Variants in VPS53 observed in about 807,000 individuals in gnomAD.
VPS53 encodes the protein VPS53 subunit of GARP complex, also known as vacuolar protein sorting-associated protein 53 homolog.
A neutral mutation model predicts 107.0 loss-of-function variants in VPS53; 70 were observed. That is an observed-to-expected ratio of 0.65 (90% CI 0.54 to 0.80). VPS53 has a LOEUF of 0.80. VPS53 is among the 30% of genes least tolerant of loss of function. VPS53 has a pLI of 0.00. For missense variants in VPS53, 917 were observed against 1,049.4 expected, an observed-to-expected ratio of 0.87 and a Z score of 1.74; for synonymous variants, 409 against 393.3, an observed-to-expected ratio of 1.04 and a Z score of -0.47.
chr17:635,259 T>C (rs1970145611), intron 7 of VPS53, among the ~76,000 whole-genome samples: 1 of 152,248 alleles, frequency 6.6e-6, no homozygotes, highest in Admixed American at 6.5e-5. Context: ...TTTTTTCTTG[T>C]AAATTTGTTT....
rs1265170676 is a variant in VPS53, at chr17:517,689, T to G, written c.*1439A>C. 3.0e-6 allele frequency: 1 copy of G among 335,464 alleles called. No homozygotes were observed. Among genetic ancestry groups the G allele is most frequent in the Non-Finnish European group, 5.3e-6 (1 of 187,228 alleles). 20.8% of individuals were successfully genotyped at this position (335,464 alleles called of 1,614,324 possible). On this transcript the variant is annotated 3_prime_UTR_variant, in exon 22 of 22. Coordinates refer to ENST00000437048, the MANE Select transcript of VPS53 (RefSeq NM_001128159.3). ...CACTCGCCATGACACCCGGCTAATT[T>G]TTTTTATTTTTAGTTGAGACAGGGT...
Position 551,939 on chromosome 17 carries a change from C to T in VPS53, c.1799G>A (p.Ser600Asn). 6.3e-7 allele frequency: 1 copy of T among 1,597,108 alleles called. No individual in the cohort carries two copies. Residue 600 changes from serine (S) to asparagine (N), a missense_variant, in exon 17 of 22, where the codon AGC (serine) becomes AAC (asparagine). Ser to Asn is a conservative substitution (Grantham distance 46). Coordinates refer to ENST00000437048, the MANE Select transcript of VPS53 (RefSeq NM_001128159.3). ...EMDTFSTVIS[S>N]SIQLLVQDLD... ...ATCCTGAACCAGCAGCTGAATACTGCTGGAGATGACGCTGCAAATCAAACA... is the reference window on the plus strand; with the variant it reads ...ATCCTGAACCAGCAGCTGAATACTGTTGGAGATGACGCTGCAAATCAAACA...
intron 11 of VPS53, among the ~76,000 whole-genome samples, chr17:617,093 G>T (rs1314948205): frequency 6.6e-6 from 1 of 152,198 alleles, no homozygotes; most frequent in Non-Finnish European, 1.5e-5. Context: ...CGGTTATCTG[G>T]ATTACCAGCT....
At chr17:691,662 G>A (rs2143864115) in intron 4 of VPS53, among the ~76,000 whole-genome samples, 1 of 152,220 alleles carries the variant, frequency 6.6e-6, no homozygotes, top group East Asian at 1.9e-4. Context: ...ATAAAATCTT[G>A]CACCACCCAA....
rs10630363 is a variant in VPS53 at position 672,109 on chromosome 17, GACACACAC to G, written c.286-10222_286-10215del. On this transcript the variant is annotated intron_variant, in intron 4 of 21. Transcript: ENST00000437048. ...GACTACAGGTAGAGATGATGAGGGT[GACACACAC>G]ACACACACACACACACACACACACA... 4.4e-3 allele frequency among the ~76,000 whole-genome samples: 479 copies of G among 108,894 alleles called. 1 individual carries two copies. The highest frequency in any genetic ancestry group is 5.4e-3 in the East Asian group (20 of 3,680). 71.4% of individuals were successfully genotyped at this position (108,894 alleles called of 152,430 possible).
At chr17:617,099 C>T (rs1213176480) in intron 11 of VPS53, among the ~76,000 whole-genome samples, 1 of 152,214 alleles carries the variant, frequency 6.6e-6, no homozygotes, top group Admixed American at 6.5e-5. Flanking sequence ...TCTGGATTAC[C>T]AGCTCACAGA....
Position 537,141 on chromosome 17 carries a change from C to G in VPS53, c.1902G>C (p.Gln634His), listed in dbSNP as rs1177095046. 6.2e-7 allele frequency: 1 copy of G among 1,613,950 alleles called. No homozygotes were observed. Among genetic ancestry groups the G allele is most frequent in the Non-Finnish European group, 8.5e-7 (1 of 1,180,040 alleles). Reference sequence around the variant, plus strand: ...GAATGACAGAGGTGACGTAGGGGCTCTGGTCACCAACGTGCTCCACGTTCT... The same window carrying G: ...GAATGACAGAGGTGACGTAGGGGCTGTGGTCACCAACGTGCTCCACGTTCT... ...QWQNVEHVGD[Q>H]SPYVTSVILH... is the part of the protein sequence containing the mutation. Residue 634 changes from glutamine (Q) to histidine (H), a missense_variant, in exon 18 of 22, where the codon CAG becomes CAC. By Grantham distance (24) the Gln-to-His change is conservative. Coordinates refer to ENST00000437048, the MANE Select transcript of VPS53 (RefSeq NM_001128159.3).
chr17:601,074 G>A (rs1385480496), intron 12 of VPS53: 1 of 152,186 alleles, frequency 6.6e-6, no homozygotes, highest in Non-Finnish European at 1.5e-5. Flanking sequence ...CCTTTTGGTG[G>A]TGTCTGGAGC....
At chr17:711,141 T>G (rs330996) in intron 1 of VPS53, among the ~76,000 whole-genome samples, 2 of 151,682 alleles carry the variant, frequency 1.3e-5, no homozygotes, top group Non-Finnish European at 2.9e-5. Context: ...GCCCAGGAGG[T>G]TGAGGTTGCA....
chr17:619,527 C>T (rs1230352369), intron 11 of VPS53, among the ~76,000 whole-genome samples: 12 of 138,000 alleles, frequency 8.7e-5, no homozygotes, highest in African/African-American at 3.3e-4. Flanking sequence ...TGCACCACCA[C>T]ACCCCGCTAA....
chr17:652,248 GC>G (rs1171436274), intron 7 of VPS53, among the ~76,000 whole-genome samples: 1 of 152,144 alleles, frequency 6.6e-6, no homozygotes, highest in Non-Finnish European at 1.5e-5. Context: ...ACCCGCCTCG[GC>G]CTCCCAAAGT....
intron 5 of VPS53, among the ~76,000 whole-genome samples, chr17:661,400 AAT>A (rs1971431175): frequency 6.6e-6 from 1 of 151,806 alleles, no homozygotes; most frequent in Non-Finnish European, 1.5e-5. Flanking sequence ...AGGCGCCTGT[AAT>A]CCCAGCTACT....
chr17:544,766 T>C (rs979101729), intron 17 of VPS53, among the ~76,000 whole-genome samples: 2 of 152,160 alleles, frequency 1.3e-5, no homozygotes, highest in African/African-American at 2.4e-5. Context: ...TATCAACTCA[T>C]ACAGGTTATC....
intron 11 of VPS53, among the ~76,000 whole-genome samples, chr17:623,196 T>C (rs1969546062): frequency 2.0e-5 from 3 of 152,116 alleles, no homozygotes; most frequent in Admixed American, 2.0e-4. Context: ...TAAAAACATA[T>C]CCTAATTGTA....
At chr17:554,815 A>C (rs1912188853) in intron 15 of VPS53, among the ~76,000 whole-genome samples, 2 of 152,258 alleles carry the variant, frequency 1.3e-5, no homozygotes, top group African/African-American at 4.8e-5. Flanking sequence ...TCAAAAAGCA[A>C]AACTTTAAAT....
intron 7 of VPS53, among the ~76,000 whole-genome samples, chr17:638,346 C>T (rs150727958): frequency 8.5e-5 from 13 of 152,158 alleles, no homozygotes; most frequent in Admixed American, 1.3e-4. Flanking sequence ...TACAGCACAC[C>T]GATGGGTCTT....
chr17:666,615 G>A (rs1270981447), intron 4 of VPS53, among the ~76,000 whole-genome samples: 1 of 152,164 alleles, frequency 6.6e-6, no homozygotes, highest in East Asian at 1.9e-4. Flanking sequence ...AGTGAGCCAA[G>A]ATCGTGCCAC....
rs151288356 is a variant in VPS53, at chr17:624,415, C to A, written c.975-741G>T. On this transcript the variant is annotated intron_variant, in intron 10 of 21. Coordinates refer to ENST00000437048, the MANE Select transcript of VPS53 (RefSeq NM_001128159.3). ...CAAGCACGCTTAGCTGGTCCCTGCC[C>A]GAGAAGCTCCTGTGCAGCTCTCACT... 1.6e-4 allele frequency among the ~76,000 whole-genome samples: 25 copies of A among 152,272 alleles called. No homozygotes were observed. The South Asian group carries it at 5.0e-3, about 30-fold the overall frequency.
In VPS53 at chr17:563,795, G is replaced by T. The variant is rs116100863; in HGVS notation, c.1314-1050C>A. On this transcript the variant is annotated intron_variant, in intron 13 of 21. Transcript: ENST00000437048. The stretch of plus-strand genomic sequence containing the variant: ...TACTTCCTAAAAACAAAAAGGTTAT[G>T]ATGTCAGCACATATTTAGACATCAC... 9.3e-4 allele frequency among the ~76,000 whole-genome samples: 142 copies of T among 152,304 alleles called. 2 individuals are homozygous for T. The highest frequency in any genetic ancestry group is 3.3e-3 in the African/African-American group (139 of 41,568).
Sources: gnomAD v4.1 joint callset for allele counts (sites outside exome capture counted in the v4.1 genomes callset) on GRCh38, gnomAD v4.1.1 for gene constraint, MANE v1.5 for transcripts, NCBI Gene and HGNC (gene_info 2026-07-23, HGNC 2026-07-21) for gene names.